The following RAP1GDS1 variants were observed in gnomAD, a reference collection of about 807,000 sequenced individuals.
RAP1GDS1 encodes Rap1 GTPase-GDP dissociation stimulator 1.
Under a neutral mutation model 71.1 loss-of-function variants are expected in RAP1GDS1, and 35 were observed. The ratio of observed to expected loss-of-function variants is 0.49; its 90% CI spans 0.38 to 0.65. The LOEUF is 0.65. Ranked by LOEUF, RAP1GDS1 falls within the 30% of genes least tolerant of loss-of-function variation. RAP1GDS1 has a pLI of 0.00. For synonymous variants in RAP1GDS1, 229 were observed against 243.1 expected (o/e 0.94, Z 0.54); for missense variants, 663 against 706.1 (o/e 0.94, Z 0.69).
chr4:98,397,782 C>T (rs902894168), intron 6 of RAP1GDS1, among the ~76,000 whole-genome samples: 5 of 151,968 alleles, frequency 3.3e-5, no homozygotes, highest in Admixed American at 1.3e-4. Flanking sequence ...TCAGGATGGA[C>T]GAAAAAGAGG....
chr4:98,355,755 G>C (rs1737867219), intron 4 of RAP1GDS1, among the ~76,000 whole-genome samples: 1 of 152,142 alleles, frequency 6.6e-6, no homozygotes, highest in African/African-American at 2.4e-5. Flanking sequence ...TACCAGCCTT[G>C]ACAGTGCCCA....
At chr4:98,263,644 G>A (rs992824965) in intron 1 of RAP1GDS1, among the ~76,000 whole-genome samples, 6 of 152,186 alleles carry the variant, frequency 3.9e-5, no homozygotes, top group African/African-American at 1.4e-4. Context: ...AAGATGAAAA[G>A]TGTCTTATTA....
rs575212252 is a variant in RAP1GDS1 at position 98,385,423 on chromosome 4, T to G, written c.508+6260T>G. Among the ~76,000 whole-genome samples the G allele has an allele frequency of 3.3e-5, 5 of 151,898 alleles. No homozygotes were observed. The East Asian group carries it at 9.7e-4, about 29-fold the overall frequency. The stretch of plus-strand genomic sequence containing the variant: ...ATGTTGAAGTAAGCATTGAGCTGTT[T>G]GGCCTTTCAAAAGCTGAGGCTAAAA... On this transcript the variant is annotated intron_variant, in intron 5 of 14. Coordinates refer to ENST00000408927, the MANE Select transcript of RAP1GDS1 (RefSeq NM_001100427.2).
intron 4 of RAP1GDS1, 79 bp downstream of exon 4, chr4:98,352,680 G>GT: frequency 6.6e-7 from 1 of 1,509,414 alleles, no homozygotes; most frequent in Non-Finnish European, 9.0e-7. Context: ...TGTGTTAGCA[G>GT]TGACTTTTCT....
intron 2 of RAP1GDS1, among the ~76,000 whole-genome samples, chr4:98,295,126 A>G (rs1727542325): frequency 6.6e-6 from 1 of 152,106 alleles, no homozygotes. Context: ...AAAAGTGTAT[A>G]GCTTTTAAAA....
chr4:98,327,335 G>A (rs540518428), intron 2 of RAP1GDS1, among the ~76,000 whole-genome samples: 1 of 152,260 alleles, frequency 6.6e-6, no homozygotes, highest in African/African-American at 2.4e-5. Flanking sequence ...AAAATGAGAA[G>A]GATTACATAA....
chr4:98,310,809 TA>T lies in RAP1GDS1; in HGVS notation c.112+17304del, dbSNP rs148479348. The stretch of plus-strand genomic sequence containing the variant: ...AACTATAATCTCAAAGACTTATTGC[TA>T]AAAAAAAAAGATTTAATTTTTATAT... On this transcript the variant is annotated intron_variant, in intron 2 of 14. Transcript: ENST00000408927. 1.1e-4 allele frequency among the ~76,000 whole-genome samples: 17 copies of T among 148,642 alleles called. 1 individual carries two copies. In the Middle Eastern group the frequency reaches 0.014, roughly 121 times the overall value.
At position 98,436,966 on chromosome 4, in the gene RAP1GDS1, G is replaced by C; in HGVS notation, c.1594G>C (p.Ala532Pro). Residue 532 changes from alanine to proline, a missense_variant, in exon 14 of 15, where the codon GCT (alanine) becomes CCT (proline). Ala to Pro is a conservative substitution (Grantham distance 27). Coordinates refer to ENST00000408927, the MANE Select transcript of RAP1GDS1 (RefSeq NM_001100427.2). ...LGTAEKDLES[A>P]KLVQILHRLL... ...CACTGCTGAGAAAGATCTAGAAAGTGCTAAACTTGTACAGATTTTACATAG... is the reference window on the plus strand; with the variant it reads ...CACTGCTGAGAAAGATCTAGAAAGTCCTAAACTTGTACAGATTTTACATAG... 1 of 1,609,272 alleles carries C rather than the reference G, an allele frequency of 6.2e-7. No homozygotes were observed. Among genetic ancestry groups the C allele is most frequent in the Non-Finnish European group, 8.5e-7 (1 of 1,178,786 alleles).
chr4:98,328,054 C>G (rs550914882), intron 2 of RAP1GDS1, among the ~76,000 whole-genome samples: 9 of 152,204 alleles, frequency 5.9e-5, no homozygotes, highest in African/African-American at 2.2e-4. Flanking sequence ...GTAAAGACAA[C>G]TAATTAAATA....
intron 12 of RAP1GDS1, among the ~76,000 whole-genome samples, chr4:98,427,149 C>T (rs1749733150): frequency 6.6e-6 from 1 of 152,150 alleles, no homozygotes; most frequent in South Asian, 2.1e-4. Flanking sequence ...GCAGAAAAAG[C>T]ATTCCACAAA....
At chr4:98,389,484 G>A (rs1296466201) in intron 5 of RAP1GDS1, among the ~76,000 whole-genome samples, 1 of 152,102 alleles carries the variant, frequency 6.6e-6, no homozygotes, top group Non-Finnish European at 1.5e-5. Flanking sequence ...TCATCCAACT[G>A]GATGGCTATA....
At chr4:98,279,532 G>T (rs1724742909) in intron 1 of RAP1GDS1, among the ~76,000 whole-genome samples, 1 of 150,108 alleles carries the variant, frequency 6.7e-6, no homozygotes, top group Admixed American at 6.6e-5. Flanking sequence ...AATTTTTTTT[G>T]AGATGCAAAT....
At chr4:98,356,665 T>TA (rs1191363330) in intron 4 of RAP1GDS1, among the ~76,000 whole-genome samples, 3 of 152,040 alleles carry the variant, frequency 2.0e-5, no homozygotes, top group East Asian at 1.9e-4. Flanking sequence ...TTTATAGAAA[T>TA]AAAATGTATG....
At chr4:98,313,068 C>CAAAAA (rs556945198) in intron 2 of RAP1GDS1, among the ~76,000 whole-genome samples, 16 of 38,180 alleles carry the variant, frequency 4.2e-4, no homozygotes, top group Non-Finnish European at 5.7e-4. Context: ...GACTCTGTCT[C>CAAAAA]AAAAAAAAAA....
chr4:98,424,716 G>T (rs570158484), intron 12 of RAP1GDS1, among the ~76,000 whole-genome samples: 2 of 150,678 alleles, frequency 1.3e-5, no homozygotes, highest in Admixed American at 1.3e-4. Flanking sequence ...AGCCAAGATC[G>T]TGCCACTGCA....
chr4:98,397,013 A>G (rs933327478), intron 6 of RAP1GDS1: 25 of 152,350 alleles, frequency 1.6e-4, no homozygotes, highest in Admixed American at 1.2e-3. Flanking sequence ...AGAAAGGAAA[A>G]TACAGCTCTG....
chr4:98,364,282 C>A (rs1277371891), intron 4 of RAP1GDS1, among the ~76,000 whole-genome samples: 1 of 151,972 alleles, frequency 6.6e-6, no homozygotes, highest in East Asian at 1.9e-4. Context: ...ATAAAACTAC[C>A]TTGAAATCAT....
At position 98,375,730 on chromosome 4, in the gene RAP1GDS1, A is replaced by G. The variant is rs762125686; in HGVS notation, c.362-3287A>G. On this transcript the variant is annotated intron_variant, in intron 4 of 14. Coordinates refer to ENST00000408927, the MANE Select transcript of RAP1GDS1 (RefSeq NM_001100427.2). ...ATCATCCATCCTCAAGGTGAATAGT[A>G]ATTTATCAATATCTGTCAAAAGGCC... Among the ~76,000 whole-genome samples the G allele has an allele frequency of 2.6e-5, 4 of 152,274 alleles. No individual in the cohort carries two copies. The East Asian group carries it at 5.8e-4, about 22-fold the overall frequency.
intron 1 of RAP1GDS1, among the ~76,000 whole-genome samples, chr4:98,275,533 A>G (rs1047450184): frequency 3.9e-5 from 6 of 152,154 alleles, no homozygotes; most frequent in Non-Finnish European, 5.9e-5. Context: ...CCTTAATTTT[A>G]TTCAACCATT....
Sources: allele counts gnomAD v4.1 joint callset (sites outside exome capture counted in the v4.1 genomes callset), GRCh38; gene constraint gnomAD v4.1.1; transcripts MANE v1.5; gene names NCBI Gene and HGNC (gene_info 2026-07-23, HGNC 2026-07-21).